The following CNTNAP2 variants were observed in gnomAD, a reference collection of about 807,000 sequenced individuals.
CNTNAP2 encodes contactin-associated protein-like 2.
Under a neutral mutation model 155.2 loss-of-function variants are expected in CNTNAP2, and 98 were observed. The observed-to-expected ratio is 0.63, with a 90% CI of 0.54 to 0.75. The LOEUF (loss-of-function observed/expected upper bound fraction) is 0.75. Ranked by LOEUF, CNTNAP2 falls within the 30% of genes least tolerant of loss-of-function variation. The probability of loss-of-function intolerance (pLI) is 0.00; values close to 1 mark genes in which losing one functional copy is unlikely to be tolerated. For missense variants in CNTNAP2, 1,727 were observed against 1,688.1 expected (o/e 1.02, Z -0.40); for synonymous variants, 651 against 631.2 (o/e 1.03, Z -0.47).
intron 9 of CNTNAP2, among the ~76,000 whole-genome samples, chr7:147,327,525 T>A (rs1321879433): frequency 6.6e-6 from 1 of 152,168 alleles, no homozygotes; most frequent in East Asian, 1.9e-4. Flanking sequence ...TTTAATGAAA[T>A]CAAATAGATC....
At chr7:147,463,981 G>C (rs200697553) in intron 10 of CNTNAP2, among the ~76,000 whole-genome samples, 1 of 59,954 alleles carries the variant, frequency 1.7e-5, no homozygotes, top group Non-Finnish European at 3.2e-5. Context: ...AAAAAAAAAA[G>C]AGCTAGAGCC....
intron 15 of CNTNAP2, among the ~76,000 whole-genome samples, chr7:148,069,274 G>A (rs369663719): frequency 6.6e-6 from 1 of 152,086 alleles, no homozygotes; most frequent in African/African-American, 2.4e-5. Context: ...AGTTTTATAA[G>A]GACTTCATAA....
In CNTNAP2 at chr7:146,596,685, C is replaced by G. The variant is rs1224787728; in HGVS notation, c.98-177586C>G. Among the ~76,000 whole-genome samples the G allele has an allele frequency of 2.2e-5, 3 of 137,974 alleles. 1 individual carries two copies. The highest frequency in any genetic ancestry group is 4.9e-5 in the Non-Finnish European group (3 of 61,510). The allele number at this position is 137,974 out of a possible 152,430, so 90.5% of individuals were successfully genotyped here. Reference sequence around the variant, plus strand: ...TGAGCCATGGTGGTTTTATTCATCACTATAACAGTAGTTTAGAGACTACAG... The same window carrying G: ...TGAGCCATGGTGGTTTTATTCATCAGTATAACAGTAGTTTAGAGACTACAG... On this transcript the variant is annotated intron_variant, in intron 1 of 23. Transcript: ENST00000361727.
chr7:147,998,192 A>G (rs1302944574), intron 15 of CNTNAP2, among the ~76,000 whole-genome samples: 1 of 134,784 alleles, frequency 7.4e-6, no homozygotes, highest in Non-Finnish European at 1.5e-5. Flanking sequence ...GCTCCCTGCA[A>G]CCTCTGCCTC....
At chr7:147,241,245 T>A (rs564525531) in intron 8 of CNTNAP2, among the ~76,000 whole-genome samples, 5 of 152,346 alleles carry the variant, frequency 3.3e-5, no homozygotes, top group African/African-American at 9.6e-5. Flanking sequence ...TTTGTTAGAA[T>A]TCTGGGTCAT....
At chr7:147,086,575 A>T (rs1346590733) in intron 4 of CNTNAP2, among the ~76,000 whole-genome samples, 1 of 152,056 alleles carries the variant, frequency 6.6e-6, no homozygotes, top group Admixed American at 6.5e-5. Flanking sequence ...AGCTGAAAAC[A>T]GGCATGCACC....
chr7:146,821,697 G>T (rs901129439), intron 2 of CNTNAP2, among the ~76,000 whole-genome samples: 4 of 151,886 alleles, frequency 2.6e-5, no homozygotes, highest in African/African-American at 4.8e-5. Flanking sequence ...AAGACATTTA[G>T]GCAGCCAAAA....
intron 20 of CNTNAP2, among the ~76,000 whole-genome samples, chr7:148,231,565 T>C (rs943700358): frequency 2.0e-5 from 3 of 152,158 alleles, no homozygotes; most frequent in Non-Finnish European, 4.4e-5. Context: ...CTCTTTTTCA[T>C]TCTCATCTCT....
intron 1 of CNTNAP2, among the ~76,000 whole-genome samples, chr7:146,479,681 G>A (rs1048119194): frequency 2.0e-5 from 3 of 151,746 alleles, no homozygotes; most frequent in Admixed American, 1.3e-4. Flanking sequence ...TCAAGAATTA[G>A]CTTAATGGAC....
intron 13 of CNTNAP2, among the ~76,000 whole-genome samples, chr7:147,751,870 C>T (rs575023046): frequency 2.5e-4 from 38 of 152,270 alleles, no homozygotes; most frequent in African/African-American, 7.7e-4. Flanking sequence ...TTAATCCTTA[C>T]ACTTGACTGC....
At chr7:147,950,515 T>C (rs1322267251) in intron 14 of CNTNAP2, among the ~76,000 whole-genome samples, 4 of 152,238 alleles carry the variant, frequency 2.6e-5, no homozygotes, top group Non-Finnish European at 5.9e-5. Context: ...TCTACTGTTA[T>C]AATACCCTTG....
intron 13 of CNTNAP2, among the ~76,000 whole-genome samples, chr7:147,776,201 T>C (rs1797583068): frequency 6.6e-6 from 1 of 151,446 alleles, no homozygotes; most frequent in African/African-American, 2.4e-5. Context: ...TCTGCCCTTC[T>C]ATGAATACAA....
intron 1 of CNTNAP2, among the ~76,000 whole-genome samples, chr7:146,592,714 A>T (rs1349160906): frequency 1.3e-5 from 2 of 152,140 alleles, no homozygotes; most frequent in Admixed American, 1.3e-4. Context: ...TCAAGGCAAA[A>T]ATATCCATAT....
At chr7:146,125,581 C>CA (rs57234097) in intron 1 of CNTNAP2, among the ~76,000 whole-genome samples, 6,996 of 56,134 alleles carry the variant, frequency 0.12, 164 homozygotes, top group East Asian at 0.18. Flanking sequence ...ACTCCGTCTC[C>CA]AAAAAAAAAA....
chr7:147,109,606 G>A (rs1230406983), intron 5 of CNTNAP2, among the ~76,000 whole-genome samples: 2 of 152,100 alleles, frequency 1.3e-5, no homozygotes, highest in Non-Finnish European at 2.9e-5. Context: ...AACAAAAGAG[G>A]TTGTCAACTG....
chr7:146,275,432 C>T (rs1245926550), intron 1 of CNTNAP2, among the ~76,000 whole-genome samples: 10 of 152,040 alleles, frequency 6.6e-5, no homozygotes, highest in Admixed American at 3.3e-4. Context: ...TAAATAAAAA[C>T]ACTTAAAATA....
intron 11 of CNTNAP2, among the ~76,000 whole-genome samples, chr7:147,497,754 T>C (rs772512060): frequency 6.6e-6 from 1 of 152,152 alleles, no homozygotes; most frequent in African/African-American, 2.4e-5. Flanking sequence ...TTGAATGACA[T>C]AGATAGAGAT....
rs185008421 is a variant in CNTNAP2 at position 147,606,045 on chromosome 7, A to G, written c.1898-33061A>G. Among the ~76,000 whole-genome samples the G allele has an allele frequency of 8.8e-3, 1,346 of 152,180 alleles. 16 individuals carry two copies. Among genetic ancestry groups the G allele is most frequent in the Middle Eastern group, 0.061 (18 of 294 alleles). On this transcript the variant is annotated intron_variant, in intron 12 of 23. Coordinates refer to ENST00000361727, the MANE Select transcript of CNTNAP2 (RefSeq NM_014141.6). ...AGGTAACCCCCAGGCAAGCAAACCA[A>G]AAAAAACAGCCTGTTCACCGTTCAC...
intron 1 of CNTNAP2, among the ~76,000 whole-genome samples, chr7:146,351,184 A>G (rs977040983): frequency 3.3e-5 from 5 of 152,140 alleles, no homozygotes; most frequent in African/African-American, 9.7e-5. Context: ...TATAATAATA[A>G]TAAAATTAAA....
Sources: gnomAD v4.1 joint callset for allele counts (sites outside exome capture counted in the v4.1 genomes callset) on GRCh38, gnomAD v4.1.1 for gene constraint, MANE v1.5 for transcripts, NCBI Gene and HGNC (gene_info 2026-07-23, HGNC 2026-07-21) for gene names.